OCSTAMP: variants seen among roughly 807,000 people sequenced by gnomAD.
The protein encoded by OCSTAMP is osteoclast stimulatory transmembrane protein.
In OCSTAMP, 17 loss-of-function variants were observed where a neutral mutation model predicts 25.2. The observed-to-expected ratio is 0.68, with a 90% CI of 0.46 to 1.01. OCSTAMP has a LOEUF of 1.01. Ranked by LOEUF, OCSTAMP falls within the 50% of genes least tolerant of loss-of-function variation. The probability of loss-of-function intolerance (pLI) is 0.00; values close to 1 mark genes in which losing one functional copy is unlikely to be tolerated. For synonymous variants in OCSTAMP, 345 were observed against 318.9 expected (o/e 1.08, Z -0.87); for missense variants, 664 against 694.6 (o/e 0.96, Z 0.50).
intron 2 of OCSTAMP, among the ~76,000 whole-genome samples, chr20:46,542,971 G>C (rs2061839160): frequency 6.6e-6 from 1 of 152,180 alleles, no homozygotes; most frequent in Non-Finnish European, 1.5e-5. Flanking sequence ...TGCTGAGTGA[G>C]GGCCCGCAGC....
Position 46,545,832 on chromosome 20 carries a change from C to A in OCSTAMP, c.542G>T (p.Gly181Val). ...GGCCTCAAATGTCAGGCCCCGGCTGCCTGCCTGGCCTGTGGGGCCCAGAGC... is the reference window on the plus strand; with the variant it reads ...GGCCTCAAATGTCAGGCCCCGGCTGACTGCCTGGCCTGTGGGGCCCAGAGC... ...SRALGPTGQAGSRGLTFEAQD... is the reference protein window; with the variant it reads ...SRALGPTGQAVSRGLTFEAQD... The change falls in exon 2 of 3, where the codon GGC becomes GTC. Residue 181 changes from glycine to valine, a missense_variant. Gly to Val is a moderately radical substitution (Grantham distance 109). Coordinates refer to ENST00000279028, the MANE Select transcript of OCSTAMP (RefSeq NM_080721.3). 1 of 1,551,252 alleles carries A rather than the reference C, an allele frequency of 6.4e-7. No individual in the cohort carries two copies. The highest frequency in any genetic ancestry group is 8.7e-7 in the Non-Finnish European group (1 of 1,146,986).
intron 1 of OCSTAMP, 113 bp from the exon 2 acceptor site, chr20:46,546,442 T>C (rs2061853492): frequency 3.3e-6 from 3 of 904,620 alleles, no homozygotes; most frequent in Admixed American, 5.2e-5. Flanking sequence ...GACTCCACCC[T>C]TGTAGTTACC....
rs1017693348 is a variant in OCSTAMP, at chr20:46,540,955, T to C, written c.*319A>G. ...AATTCAAGTTGAACTGAGTGTCCTATATTTTAATTTGGCAAAATCTAATCC... is the reference window on the plus strand; with the variant it reads ...AATTCAAGTTGAACTGAGTGTCCTACATTTTAATTTGGCAAAATCTAATCC... On this transcript the variant is annotated 3_prime_UTR_variant, in exon 3 of 3. Transcript: ENST00000279028. The C allele has an allele frequency of 4.2e-5, 12 of 285,194 alleles. No individual in the cohort carries two copies. The highest frequency in any genetic ancestry group is 1.7e-4 in the African/African-American group (8 of 46,968). 17.7% of individuals were successfully genotyped at this position (285,194 alleles called of 1,614,324 possible).
chr20:46,543,662 G>A (rs1457054332), intron 2 of OCSTAMP, among the ~76,000 whole-genome samples: 1 of 151,912 alleles, frequency 6.6e-6, no homozygotes, highest in Non-Finnish European at 1.5e-5. Flanking sequence ...ATGTATACGC[G>A]AGAAAGATAT....
intron 1 of OCSTAMP, among the ~76,000 whole-genome samples, chr20:46,546,716 A>T (rs1222315267): frequency 6.6e-6 from 1 of 152,174 alleles, no homozygotes; most frequent in Non-Finnish European, 1.5e-5. Context: ...AGAGAGAAGA[A>T]GAGAAACGAT....
In OCSTAMP at chr20:46,540,973, T is replaced by C. The variant is rs1488510427; in HGVS notation, c.*301A>G. The C allele has an allele frequency of 6.6e-6, 2 of 304,650 alleles. No homozygotes were observed. The highest frequency in any genetic ancestry group is 1.2e-5 in the Non-Finnish European group (2 of 163,606). The allele number at this position is 304,650 out of a possible 1,614,324, so 18.9% of individuals were successfully genotyped here. Reference sequence around the variant, plus strand: ...TGTCCTATATTTTAATTTGGCAAAATCTAATCCTGGCAATGGAAAGGCCCT... The same window carrying C: ...TGTCCTATATTTTAATTTGGCAAAACCTAATCCTGGCAATGGAAAGGCCCT... On this transcript the variant is annotated 3_prime_UTR_variant, in exon 3 of 3. Coordinates refer to ENST00000279028, the MANE Select transcript of OCSTAMP (RefSeq NM_080721.3).
chr20:46,547,930 G>A (rs2061858080), intron 1 of OCSTAMP, among the ~76,000 whole-genome samples: 1 of 152,172 alleles, frequency 6.6e-6, no homozygotes, highest in Admixed American at 6.5e-5. Flanking sequence ...ACACCTGTAG[G>A]GGTGGAGGCA....
rs771855522 is a variant in OCSTAMP, at chr20:46,545,881, G to A, written c.493C>T (p.His165Tyr). Reference sequence around the variant, plus strand: ...GCCCTGGATGCTGCATGCAGCTGGTGAGTGGTATTGAGGAGACTCTCCAGG... The same window carrying A: ...GCCCTGGATGCTGCATGCAGCTGGTAAGTGGTATTGAGGAGACTCTCCAGG... ...GSLESLLNTT[H>Y]QLHAASRALG... Residue 165 changes from histidine (H) to tyrosine (Y), a missense_variant, in exon 2 of 3, where the codon CAC becomes TAC. Coordinates refer to ENST00000279028, the MANE Select transcript of OCSTAMP (RefSeq NM_080721.3). 2 of 1,551,362 alleles carry A rather than the reference G, an allele frequency of 1.3e-6. No individual in the cohort carries two copies. The highest frequency in any genetic ancestry group is 1.2e-5 in the South Asian group (1 of 84,060).
chr20:46,541,688 G>T lies in OCSTAMP; in HGVS notation c.1287C>A (p.Ile429=). The part of the protein sequence containing the change: ...EAYARRLRHA[I]AASFFTAQEA... ...CCTGGGCTGTGAAGAAGGAAGCGGCGATGGCATGCCGCAGGCGGCGGGCGT... is the reference window on the plus strand; with the variant it reads ...CCTGGGCTGTGAAGAAGGAAGCGGCTATGGCATGCCGCAGGCGGCGGGCGT... Residue 429 remains isoleucine, a synonymous_variant, in exon 3 of 3, where the codon ATC becomes ATA. Coordinates refer to ENST00000279028, the MANE Select transcript of OCSTAMP (RefSeq NM_080721.3). 6.5e-7 allele frequency: 1 copy of T among 1,550,046 alleles called. No individual in the cohort carries two copies. Among genetic ancestry groups the T allele is most frequent in the Non-Finnish European group, 8.7e-7 (1 of 1,146,900 alleles).
In OCSTAMP at chr20:46,550,518, C is replaced by A. The variant is rs554705141; in HGVS notation, c.43G>T (p.Gly15Trp). The change falls in exon 1 of 3, where the codon GGG (glycine) becomes TGG (tryptophan). Residue 15 changes from glycine (G) to tryptophan (W), a missense_variant and splice_region_variant. Physicochemically the swap from Gly to Trp is radical, Grantham distance 184. Coordinates refer to ENST00000279028, the MANE Select transcript of OCSTAMP (RefSeq NM_080721.3). ...AGTGTCCAAAGTCCCCAGACCTACC[C>A]GGTCTTGACAAGTTGCTCAGCTGCT... ...PGAAEQLVKT[G>W]WRSWHLGFWK... The A allele has an allele frequency of 1.9e-6, 3 of 1,551,486 alleles. No homozygotes were observed. In the African/African-American group the frequency reaches 4.1e-5, roughly 21 times the overall value.
chr20:46,545,650 C>T lies in OCSTAMP; in HGVS notation c.724G>A (p.Ala242Thr). The T allele has an allele frequency of 6.4e-7, 1 of 1,551,732 alleles. No individual in the cohort carries two copies. The highest frequency in any genetic ancestry group is 8.7e-7 in the Non-Finnish European group (1 of 1,147,002). Residue 242 changes from alanine (A) to threonine (T), a missense_variant, in exon 2 of 3, where the codon GCA becomes ACA. Ala to Thr is a moderately conservative substitution (Grantham distance 58, BLOSUM62 0). Transcript: ENST00000279028. ...GTCAGGTAGCAATGGAGGTACCATGCCGACTCCACCAGGAGGCCCAACATA... is the reference window on the plus strand; with the variant it reads ...GTCAGGTAGCAATGGAGGTACCATGTCGACTCCACCAGGAGGCCCAACATA... ...LFMLGLLVES[A>T]WYLHCYLTDL... is the part of the protein sequence containing the mutation.
In OCSTAMP at chr20:46,541,723, G is replaced by A; in HGVS notation, c.1252C>T (p.Leu418=). Residue 418 remains leucine, a synonymous_variant, in exon 3 of 3, where the codon CTG becomes TTG. Coordinates refer to ENST00000279028, the MANE Select transcript of OCSTAMP (RefSeq NM_080721.3). ...CGCAGGCGGCGGGCGTAGGCCTCCA[G>A]GAGCACCGTGGAGCCCGCCAGGAGC... ...LQLLAGSTVL[L]EAYARRLRHA... The A allele has an allele frequency of 6.5e-7, 1 of 1,547,334 alleles. No individual in the cohort carries two copies. The highest frequency in any genetic ancestry group is 1.2e-5 in the South Asian group (1 of 83,928).
chr20:46,543,040 G>A (rs1167010660), intron 2 of OCSTAMP, among the ~76,000 whole-genome samples: 2 of 152,282 alleles, frequency 1.3e-5, no homozygotes, highest in East Asian at 3.9e-4. Context: ...AAGGCACAGA[G>A]AATGATATTG....
Position 46,546,001 on chromosome 20 carries a change from A to G in OCSTAMP, c.373T>C (p.Tyr125His), listed in dbSNP as rs2061850937. Residue 125 changes from tyrosine to histidine, a missense_variant, in exon 2 of 3, where the codon TAC becomes CAC. Coordinates refer to ENST00000279028, the MANE Select transcript of OCSTAMP (RefSeq NM_080721.3). ...MEQGRRLLLS[Y>H]STATLAIAVV... is the part of the protein sequence containing the mutation. ...GCAATGGCCAGGGTGGCAGTGCTGTAGGACAGGAGCAGCCGGCGGCCCTGC... is the reference window on the plus strand; with the variant it reads ...GCAATGGCCAGGGTGGCAGTGCTGTGGGACAGGAGCAGCCGGCGGCCCTGC... The G allele has an allele frequency of 4.5e-6, 7 of 1,551,388 alleles. No homozygotes were observed. The highest frequency in any genetic ancestry group is 6.1e-6 in the Non-Finnish European group (7 of 1,146,982).
Position 46,541,499 on chromosome 20 carries a change from C to G in OCSTAMP, c.1476G>C (p.Glu492Asp). ...GCTCTTTCCCTTCTCCCTCACTGCTCTCGGTTCTTAAGGCATCCAGCCTGT... is the reference window on the plus strand; with the variant it reads ...GCTCTTTCCCTTCTCCCTCACTGCTGTCGGTTCTTAAGGCATCCAGCCTGT... ...IDYRLDALRT[E>D]SSEGEGKELW... The change falls in exon 3 of 3, where the codon GAG (glutamate) becomes GAC (aspartate). Residue 492 changes from glutamate to aspartate, a missense_variant. Transcript: ENST00000279028. 6.4e-7 allele frequency: 1 copy of G among 1,551,750 alleles called. No homozygotes were observed. The highest frequency in any genetic ancestry group is 8.7e-7 in the Non-Finnish European group (1 of 1,146,988).
rs1357422910 is a variant in OCSTAMP at position 46,550,529 on chromosome 20, A to T, written c.32T>A (p.Leu11His). 1.3e-6 allele frequency: 2 copies of T among 1,551,704 alleles called. No homozygotes were observed. The change falls in exon 1 of 3, where the codon CTT (leucine) becomes CAT (histidine). Residue 11 changes from leucine to histidine, a missense_variant. Physicochemically the swap from Leu to His is moderately conservative, Grantham distance 99 (BLOSUM62 -3). Coordinates refer to ENST00000279028, the MANE Select transcript of OCSTAMP (RefSeq NM_080721.3). MPGHPGAAEQ[L>H]VKTGWRSWHL... Reference sequence around the variant, plus strand: ...TCCCCAGACCTACCCGGTCTTGACAAGTTGCTCAGCTGCTCCTGGGTGGCC... The same window carrying T: ...TCCCCAGACCTACCCGGTCTTGACATGTTGCTCAGCTGCTCCTGGGTGGCC...
intron 2 of OCSTAMP, among the ~76,000 whole-genome samples, chr20:46,542,178 G>A (rs1184775033): frequency 1.3e-5 from 2 of 152,186 alleles, no homozygotes; most frequent in East Asian, 3.8e-4. Context: ...AAAACAAATT[G>A]TCTATGGATG....
chr20:46,547,160 G>A (rs1399309860), intron 1 of OCSTAMP, among the ~76,000 whole-genome samples: 1 of 152,156 alleles, frequency 6.6e-6, no homozygotes, highest in South Asian at 2.1e-4. Context: ...CATTTCCTGA[G>A]ATGAGAACTC....
At chr20:46,545,294 G>A in intron 2 of OCSTAMP, 33 bp downstream of exon 2, 2 of 1,439,212 alleles carry the variant, frequency 1.4e-6, no homozygotes, top group Non-Finnish European at 1.8e-6. Context: ...TCAAAACAAT[G>A]ACTCCCTTCC....
Sources: gnomAD v4.1 joint callset for allele counts (sites outside exome capture counted in the v4.1 genomes callset) on GRCh38, gnomAD v4.1.1 for gene constraint, MANE v1.5 for transcripts, NCBI Gene and HGNC (gene_info 2026-07-23, HGNC 2026-07-21) for gene names.